FANCL: variants seen among roughly 807,000 people sequenced by gnomAD.
FANCL encodes the protein FA complementation group L, also known as E3 ubiquitin-protein ligase FANCL.
FANCL carries 69 observed loss-of-function variants against 59.4 expected under a neutral mutation model. The observed-to-expected ratio is 1.16, with a 90% CI of 0.96 to 1.42. The LOEUF (loss-of-function observed/expected upper bound fraction) is 1.42, where lower values mean the gene tolerates loss of function less well. Among genes scored for constraint, FANCL ranks in the 40% most tolerant of loss-of-function variants. The probability of loss-of-function intolerance (pLI) is 0.00; values close to 1 mark genes in which losing one functional copy is unlikely to be tolerated. For synonymous variants in FANCL, 180 were observed against 147.1 expected (o/e 1.22, Z -1.62); for missense variants, 519 against 447.2 (o/e 1.16, Z -1.45).
At chr2:58,181,703 G>A (rs936030765) in intron 7 of FANCL, among the ~76,000 whole-genome samples, 4 of 151,934 alleles carry the variant, frequency 2.6e-5, no homozygotes, top group African/African-American at 4.8e-5. Context: ...AATTTAGATG[G>A]TGGATACATG....
chr2:58,159,702 C>T lies in FANCL; in HGVS notation c.*63G>A. ...CTTTATTTTTTCTCTGAAGATGATA[C>T]CAAAATTCCTTTTGATAATTTTTTA... On this transcript the variant is annotated 3_prime_UTR_variant, in exon 14 of 14. Transcript: ENST00000233741. The T allele has an allele frequency of 1.9e-6, 3 of 1,611,782 alleles. No homozygotes were observed. Among genetic ancestry groups the T allele is most frequent in the Non-Finnish European group, 2.5e-6 (3 of 1,179,020 alleles).
At chr2:58,223,729 C>A (rs1692702861) in intron 4 of FANCL, among the ~76,000 whole-genome samples, 1 of 151,868 alleles carries the variant, frequency 6.6e-6, no homozygotes, top group African/African-American at 2.4e-5. Flanking sequence ...AATAAAATAA[C>A]CTACCACTTA....
intron 7 of FANCL, among the ~76,000 whole-genome samples, chr2:58,173,006 C>A (rs545392838): frequency 6.6e-6 from 1 of 152,266 alleles, no homozygotes; most frequent in South Asian, 2.1e-4. Flanking sequence ...GCCTCAGGAG[C>A]CGATGCGATC....
chr2:58,210,932 C>T (rs749173184), intron 5 of FANCL, among the ~76,000 whole-genome samples: 4 of 152,176 alleles, frequency 2.6e-5, no homozygotes, highest in African/African-American at 9.7e-5. Flanking sequence ...CACCCCCACC[C>T]GGCTGAGTTC....
rs1224583682 is a variant in FANCL at position 58,217,203 on chromosome 2, TATATATATATATACACACACACACAC to T, written c.374+4713_374+4738del. Among the ~76,000 whole-genome samples, 10 of 8,730 alleles carry T rather than the reference TATATATATATATACACACACACACAC, an allele frequency of 1.1e-3. 1 individual carries two copies. The highest frequency in any genetic ancestry group is 3.7e-3 in the African/African-American group (10 of 2,716). The allele number at this position is 8,730 out of a possible 152,430, so 5.7% of individuals were successfully genotyped here. ...ATATATATATATATATATATATATA[TATATATATATATACACACACACACAC>T]ACACACACACACACATATATATGTT... On this transcript the variant is annotated intron_variant, in intron 5 of 13. Transcript: ENST00000233741.
At chr2:58,229,640 T>C (rs937923158) in intron 3 of FANCL, among the ~76,000 whole-genome samples, 174 bp downstream of exon 3, 5 of 152,274 alleles carry the variant, frequency 3.3e-5, no homozygotes, top group Admixed American at 3.3e-4. Flanking sequence ...AAAGGCTGCC[T>C]GGAGATCTCC....
chr2:58,203,278 CTTT>C (rs1229806864), intron 6 of FANCL, among the ~76,000 whole-genome samples: 1 of 151,738 alleles, frequency 6.6e-6, no homozygotes, highest in African/African-American at 2.4e-5. Context: ...TCCAGTACAG[CTTT>C]AGATATTAAT....
chr2:58,219,140 T>TAAAAAAAAAAA (rs70954881), intron 5 of FANCL, among the ~76,000 whole-genome samples: 1 of 16,604 alleles, frequency 6.0e-5, no homozygotes, highest in Non-Finnish European at 1.3e-4. Context: ...AAATACATGC[T>TAAAAAAAAAAA]AAAAAAAAAA....
At chr2:58,199,528 A>G (rs1281134802) in intron 6 of FANCL, among the ~76,000 whole-genome samples, 1 of 152,186 alleles carries the variant, frequency 6.6e-6, no homozygotes, top group Non-Finnish European at 1.5e-5. Flanking sequence ...AGAAAAAATA[A>G]AACAGTTTTT....
Position 58,192,659 on chromosome 2 carries a change from T to C in FANCL, c.540+5935A>G, listed in dbSNP as rs891273863. Among the ~76,000 whole-genome samples the C allele has an allele frequency of 2.7e-4, 41 of 151,732 alleles. 1 individual carries two copies. The highest frequency in any genetic ancestry group is 5.9e-4 in the Non-Finnish European group (40 of 67,788). ...GGGAAAGCAGGAAGATAGGATGGAGTGAGGGTAGGTGGAGAAAACAACAAA... is the reference window on the plus strand; with the variant it reads ...GGGAAAGCAGGAAGATAGGATGGAGCGAGGGTAGGTGGAGAAAACAACAAA... On this transcript the variant is annotated intron_variant, in intron 7 of 13. Coordinates refer to ENST00000233741, the MANE Select transcript of FANCL (RefSeq NM_018062.4).
rs1558722103 is a variant in FANCL, at chr2:58,159,376, C to CA, written c.*388dup. 6.2e-7 allele frequency: 1 copy of CA among 1,609,926 alleles called. No individual in the cohort carries two copies. Among genetic ancestry groups the CA allele is most frequent in the Non-Finnish European group, 8.5e-7 (1 of 1,178,458 alleles). ...AAGCACAAGGAGAAGACAGAAATAT[C>CA]AAGAGTCTCAAGAACCTTTGAATGA... On this transcript the variant is annotated 3_prime_UTR_variant, in exon 14 of 14. Transcript: ENST00000233741.
intron 1 of FANCL, among the ~76,000 whole-genome samples, chr2:58,239,676 T>A (rs1157908089): frequency 1.3e-5 from 2 of 152,200 alleles, no homozygotes; most frequent in Non-Finnish European, 2.9e-5. Context: ...GTGTCCTCGT[T>A]CTTATGAAAT....
At chr2:58,180,414 T>C (rs1441881832) in intron 7 of FANCL, among the ~76,000 whole-genome samples, 1 of 152,118 alleles carries the variant, frequency 6.6e-6, no homozygotes, top group African/African-American at 2.4e-5. Context: ...TTCATGTCCT[T>C]TGCAGGGACA....
intron 7 of FANCL, among the ~76,000 whole-genome samples, chr2:58,169,587 G>C (rs906259489): frequency 1.3e-5 from 2 of 151,852 alleles, no homozygotes; most frequent in Admixed American, 6.6e-5. Flanking sequence ...TCAGAAAGTG[G>C]GTAATAACAA....
chr2:58,218,082 T>A (rs1692026783), intron 5 of FANCL, among the ~76,000 whole-genome samples: 1 of 152,006 alleles, frequency 6.6e-6, no homozygotes, highest in African/African-American at 2.4e-5. Flanking sequence ...ATATACTAAA[T>A]AAGTCAAAAG....
chr2:58,166,397 A>G (rs1685957294), intron 7 of FANCL, among the ~76,000 whole-genome samples: 1 of 152,244 alleles, frequency 6.6e-6, no homozygotes, highest in Admixed American at 6.5e-5. Context: ...ACACATTTTT[A>G]AAGAATTAAA....
intron 6 of FANCL, 111 bp downstream of exon 6, chr2:58,204,019 T>C (rs1277166397): frequency 5.9e-6 from 5 of 841,610 alleles, no homozygotes; most frequent in African/African-American, 1.7e-5. Flanking sequence ...TTTTAAAGCA[T>C]GATATATGTA....
At chr2:58,178,103 C>T (rs188811886) in intron 7 of FANCL, among the ~76,000 whole-genome samples, 139 of 152,126 alleles carry the variant, frequency 9.1e-4, no homozygotes, top group African/African-American at 3.3e-3. Context: ...ATTTAATAGC[C>T]TACTAACCAA....
chr2:58,199,293 C>T (rs1689760082), intron 6 of FANCL, among the ~76,000 whole-genome samples: 1 of 151,976 alleles, frequency 6.6e-6, no homozygotes, highest in Non-Finnish European at 1.5e-5. Context: ...CTCTGTTTAT[C>T]TTTAAAATAA....
Sources: allele counts gnomAD v4.1 joint callset (sites outside exome capture counted in the v4.1 genomes callset), GRCh38; gene constraint gnomAD v4.1.1; transcripts MANE v1.5; gene names NCBI Gene and HGNC (gene_info 2026-07-23, HGNC 2026-07-21).